The following CPD variants were observed in gnomAD, a reference collection of about 807,000 sequenced individuals.
CPD encodes the protein metallocarboxypeptidase D.
Under a neutral mutation model 138.3 loss-of-function variants are expected in CPD, and 69 were observed. The ratio of observed to expected loss-of-function variants is 0.50; its 90% CI spans 0.41 to 0.61. The LOEUF (loss-of-function observed/expected upper bound fraction) is 0.61. CPD is among the 20% of genes least tolerant of loss of function. CPD has a pLI of 0.00. For synonymous variants in CPD, 651 were observed against 642.1 expected, an observed-to-expected ratio of 1.01 and a Z score of -0.21; for missense variants, 1,432 against 1,733.3, an observed-to-expected ratio of 0.83 and a Z score of 3.09.
chr17:30,447,729 C>T lies in CPD; in HGVS notation c.2873+1709C>T, dbSNP rs566147640. ...TTGAAGCTTTAGGGACATGTGTGAT[C>T]GTGGGTCCCAGGGAAAACATACAGT... On this transcript the variant is annotated intron_variant, in intron 12 of 20. Coordinates refer to ENST00000225719, the MANE Select transcript of CPD (RefSeq NM_001304.5). Among the ~76,000 whole-genome samples, 6 of 152,096 alleles carry T rather than the reference C, an allele frequency of 3.9e-5. No homozygotes were observed. The East Asian group carries it at 1.2e-3, about 29-fold the overall frequency.
chr17:30,413,149 C>T (rs1020156588), intron 2 of CPD, among the ~76,000 whole-genome samples: 3 of 152,086 alleles, frequency 2.0e-5, no homozygotes, highest in Non-Finnish European at 4.4e-5. Context: ...TTACACACAA[C>T]GACCATTGTA....
intron 17 of CPD, among the ~76,000 whole-genome samples, 177 bp from the exon 18 acceptor site, chr17:30,461,003 T>A (rs1913457137): frequency 6.6e-6 from 1 of 152,236 alleles, no homozygotes. Flanking sequence ...TCATAGAGTT[T>A]GTGATTGATT....
rs1197920041 is a variant in CPD at position 30,468,743 on chromosome 17, T to A, written c.*3929T>A. ...TCAGATGCAATATGCCGGAAAAAGT[T>A]ATAGGTCCAGTTTGAAAATTATTTA... On this transcript the variant is annotated 3_prime_UTR_variant, in exon 21 of 21. Coordinates refer to ENST00000225719, the MANE Select transcript of CPD (RefSeq NM_001304.5). The A allele has an allele frequency of 1.3e-5, 2 of 152,642 alleles. No homozygotes were observed. The highest frequency in any genetic ancestry group is 4.8e-5 in the African/African-American group (2 of 41,578). 9.5% of individuals were successfully genotyped at this position (152,642 alleles called of 1,614,324 possible).
chr17:30,399,387 G>C (rs938718572), intron 2 of CPD, among the ~76,000 whole-genome samples: 2 of 152,040 alleles, frequency 1.3e-5, no homozygotes, highest in African/African-American at 4.8e-5. Context: ...TGTCTTTTCT[G>C]CTGATTACTG....
chr17:30,462,118 T>C (rs1333947130), intron 19 of CPD, 56 bp downstream of exon 19: 1 of 1,421,756 alleles, frequency 7.0e-7, no homozygotes, highest in African/African-American at 1.5e-5. Flanking sequence ...ATAATACTTC[T>C]GTTTTATTTT....
At chr17:30,391,118 C>T (rs1040024342) in intron 2 of CPD, among the ~76,000 whole-genome samples, 1 of 143,614 alleles carries the variant, frequency 7.0e-6, no homozygotes, top group African/African-American at 2.6e-5. Flanking sequence ...GCCTGAGCTA[C>T]CGTGCCTGGC....
intron 1 of CPD, chr17:30,380,430 C>G (rs1333777523): frequency 3.0e-5 from 36 of 1,207,032 alleles, no homozygotes; most frequent in Non-Finnish European, 3.7e-5. Context: ...AGAACTTGCA[C>G]AGATCTGTGA....
chr17:30,383,005 A>C lies in CPD; in HGVS notation c.747-1984A>C, dbSNP rs74654732. ...GCCTTCTTATAACTTTCCCAGAGTC[A>C]GTGGGGGAAAAATACTTAAAAATTG... On this transcript the variant is annotated intron_variant, in intron 1 of 20. Coordinates refer to ENST00000225719, the MANE Select transcript of CPD (RefSeq NM_001304.5). Among the ~76,000 whole-genome samples the C allele has an allele frequency of 6.1e-3, 930 of 152,316 alleles. 31 individuals are homozygous for C. The highest frequency in any genetic ancestry group is 0.047 in the Admixed American group (713 of 15,302).
At chr17:30,393,241 T>C (rs1174818104) in intron 2 of CPD, among the ~76,000 whole-genome samples, 1 of 152,172 alleles carries the variant, frequency 6.6e-6, no homozygotes, top group East Asian at 1.9e-4. Flanking sequence ...GCAGTAGCAG[T>C]GTGCTTTAAA....
chr17:30,450,768 A>G (rs1026290899), intron 13 of CPD, among the ~76,000 whole-genome samples: 1 of 152,176 alleles, frequency 6.6e-6, no homozygotes, highest in African/African-American at 2.4e-5. Flanking sequence ...CTAAAGTGGG[A>G]GGATCACTTG....
chr17:30,421,714 G>T lies in CPD; in HGVS notation c.1188G>T (p.Gly396=). ...TTAAAGATTCCATAACAGGATCTGGGTTAGAGAATGCAACCATCTCAGTGG... is the reference window on the plus strand; with the variant it reads ...TTAAAGATTCCATAACAGGATCTGGTTTAGAGAATGCAACCATCTCAGTGG... ...GFVKDSITGS[G]LENATISVAG... is the part of the protein sequence containing the mutation. The change falls in exon 4 of 21, where the codon GGG becomes GGT. Residue 396 remains glycine, a synonymous_variant. Coordinates refer to ENST00000225719, the MANE Select transcript of CPD (RefSeq NM_001304.5). The T allele has an allele frequency of 6.2e-7, 1 of 1,613,750 alleles. No individual in the cohort carries two copies. Among genetic ancestry groups the T allele is most frequent in the Non-Finnish European group, 8.5e-7 (1 of 1,179,750 alleles).
rs768147976 is a variant in CPD at position 30,445,815 on chromosome 17, A to G, written c.2668A>G (p.Ser890Gly). The G allele has an allele frequency of 1.9e-5, 30 of 1,614,154 alleles. No individual in the cohort carries two copies. Among genetic ancestry groups the G allele is most frequent in the African/African-American group, 2.7e-5 (2 of 75,062 alleles). Residue 890 changes from serine (S) to glycine (G), a missense_variant, in exon 12 of 21, where the codon AGC becomes GGC. By Grantham distance (56) the Ser-to-Gly change is moderately conservative. Around this residue, in one of 6 missense-constraint regions of CPD, gnomAD observed 124 missense variants for 117.0 expected, o/e 1.06. Coordinates refer to ENST00000225719, the MANE Select transcript of CPD (RefSeq NM_001304.5). The part of the protein sequence containing the change: ...ESKKGKGASS[S>G]TNDASDPTTK... ...AAAGAAAGGAAAAGGGGCTAGCAGC[A>G]GCACCAATGATGCCAGTGATCCAAC...
intron 6 of CPD, among the ~76,000 whole-genome samples, chr17:30,426,139 G>A (rs1042416621): frequency 3.3e-5 from 5 of 149,962 alleles, no homozygotes; most frequent in African/African-American, 1.2e-4. Context: ...GGCAGAGGTT[G>A]CAGTAAGCCA....
chr17:30,460,566 A>G (rs1913444773), intron 17 of CPD, among the ~76,000 whole-genome samples: 1 of 152,208 alleles, frequency 6.6e-6, no homozygotes, highest in African/African-American at 2.4e-5. Flanking sequence ...TATGGATGAT[A>G]GTGAGATAGA....
chr17:30,382,272 G>T (rs1031564663), intron 1 of CPD, among the ~76,000 whole-genome samples: 2 of 152,034 alleles, frequency 1.3e-5, no homozygotes, highest in Non-Finnish European at 2.9e-5. Context: ...CCTGGATAGC[G>T]TAATAGAGTT....
chr17:30,444,215 C>G, intron 11 of CPD: 3 of 342,594 alleles, frequency 8.8e-6, no homozygotes. Context: ...TTGTGACATG[C>G]TTCCAACCTG....
In CPD at chr17:30,468,464, G is replaced by A. The variant is rs1913703420; in HGVS notation, c.*3650G>A. 1 of 152,502 alleles carries A rather than the reference G, an allele frequency of 6.6e-6. No homozygotes were observed. Among genetic ancestry groups the A allele is most frequent in the Non-Finnish European group, 1.5e-5 (1 of 68,000 alleles). The allele number at this position is 152,502 out of a possible 1,614,324, so 9.4% of individuals were successfully genotyped here. A position where few individuals can be genotyped will look rare whatever the true frequency, so the allele number is the denominator to read the frequency against. On this transcript the variant is annotated 3_prime_UTR_variant, in exon 21 of 21. Coordinates refer to ENST00000225719, the MANE Select transcript of CPD (RefSeq NM_001304.5). ...AGCAATCTACAGCTGTTTATGTGAG[G>A]TGCCCAACACCCATTCATCTCAAGT...
At chr17:30,449,836 T>C (rs1244929854) in intron 13 of CPD, 88 bp downstream of exon 13, 2 of 1,219,426 alleles carry the variant, frequency 1.6e-6, no homozygotes, top group South Asian at 1.6e-5. Context: ...TTTAATTTCT[T>C]GCTAGATTTT....
chr17:30,440,623 C>T (rs1455604955), intron 9 of CPD, among the ~76,000 whole-genome samples: 1 of 149,280 alleles, frequency 6.7e-6, no homozygotes, highest in Non-Finnish European at 1.5e-5. Context: ...CAGCTTTCTA[C>T]ATATGGCTAG....
Sources: gnomAD v4.1 joint callset for allele counts (sites outside exome capture counted in the v4.1 genomes callset) on GRCh38, gnomAD v4.1.1 for gene constraint, gnomAD v4.1.1 regional missense constraint, MANE v1.5 for transcripts, NCBI Gene and HGNC (gene_info 2026-07-23, HGNC 2026-07-21) for gene names.